TENM2: variants seen among roughly 807,000 people sequenced by gnomAD.
TENM2 encodes the protein teneurin-2.
TENM2 carries 52 observed loss-of-function variants against 245.2 expected under a neutral mutation model. That is an observed-to-expected ratio of 0.21 (90% CI 0.17 to 0.27). The LOEUF is 0.27. Ranked by LOEUF, TENM2 falls within the 10% of genes least tolerant of loss-of-function variation. TENM2 has a pLI of 1.00. For missense variants in TENM2, 3,046 were observed against 3,666.8 expected (o/e 0.83, Z 4.37); for synonymous variants, 1,363 against 1,438.9 (o/e 0.95, Z 1.19).
At chr5:167,055,706 A>G in the TENM2 span, among the ~76,000 whole-genome samples, 4 of 152,034 alleles carry the variant, frequency 2.6e-5, no homozygotes, top group African/African-American at 4.8e-5. Flanking sequence ...TCCAAATTCC[A>G]CTTGTTTATT....
chr5:167,857,540 C>G (rs1355153748), intron 2 of TENM2, among the ~76,000 whole-genome samples: 1 of 152,196 alleles, frequency 6.6e-6, no homozygotes. Flanking sequence ...CATTGGGTCT[C>G]TCTTTCCTAT....
chr5:168,087,628 A>G (rs1792575519), intron 7 of TENM2, among the ~76,000 whole-genome samples: 1 of 151,524 alleles, frequency 6.6e-6, no homozygotes, highest in Non-Finnish European at 1.5e-5. Context: ...AAAAAGAAAG[A>G]AAGAAATGAT....
the TENM2 span, among the ~76,000 whole-genome samples, chr5:167,104,217 GCTT>G: frequency 1.3e-5 from 2 of 151,864 alleles, no homozygotes; most frequent in African/African-American, 4.8e-5. Context: ...CTTTTACAGT[GCTT>G]GCTACTTGGC....
chr5:167,283,408 T>A (rs1468712048), upstream of TENM2, among the ~76,000 whole-genome samples: 1 of 152,102 alleles, frequency 6.6e-6, no homozygotes, highest in East Asian at 1.9e-4. Flanking sequence ...TTTGATACAG[T>A]GTACACGTAG....
chr5:167,024,177 C>T, the TENM2 span, among the ~76,000 whole-genome samples: 58 of 152,230 alleles, frequency 3.8e-4, 2 homozygotes, highest in South Asian at 0.012. Context: ...GAGTGTTAAT[C>T]GAGTCTCTCA....
At chr5:167,240,629 T>C in the TENM2 span, among the ~76,000 whole-genome samples, 3 of 120,748 alleles carry the variant, frequency 2.5e-5, no homozygotes, top group African/African-American at 1.1e-4. Context: ...CAGGTCCTTT[T>C]CCAACGTCTT....
chr5:168,071,941 C>G (rs934635426), intron 7 of TENM2, among the ~76,000 whole-genome samples: 1 of 152,160 alleles, frequency 6.6e-6, no homozygotes, highest in Admixed American at 6.5e-5. Flanking sequence ...AGTTACATTC[C>G]AGCCTGGTGA....
At chr5:167,364,564 T>C (rs1392182087) in intron 1 of TENM2, among the ~76,000 whole-genome samples, 2 of 152,044 alleles carry the variant, frequency 1.3e-5, no homozygotes, top group East Asian at 1.9e-4. Context: ...AAAAGGCATA[T>C]GTCAAATGTA....
At chr5:167,342,653 C>G (rs1250311381) in intron 1 of TENM2, among the ~76,000 whole-genome samples, 104 of 151,052 alleles carry the variant, frequency 6.9e-4, no homozygotes, top group African/African-American at 2.4e-3. Flanking sequence ...TCAGCCTCCC[C>G]AGTAGCTGGG....
At chr5:167,690,701 C>T (rs1561675884) in intron 2 of TENM2, among the ~76,000 whole-genome samples, 4 of 151,996 alleles carry the variant, frequency 2.6e-5, no homozygotes, top group Non-Finnish European at 5.9e-5. Flanking sequence ...TCTTTAATGC[C>T]ACCTATAATA....
At chr5:167,764,940 TC>T (rs1249702147) in intron 2 of TENM2, among the ~76,000 whole-genome samples, 2 of 152,136 alleles carry the variant, frequency 1.3e-5, no homozygotes, top group Non-Finnish European at 2.9e-5. Flanking sequence ...GAAGGATTCA[TC>T]CCAGCCTGGG....
At chr5:167,040,200 G>A in the TENM2 span, among the ~76,000 whole-genome samples, 1 of 151,862 alleles carries the variant, frequency 6.6e-6, no homozygotes, top group East Asian at 2.0e-4. Context: ...AACTTTCTAG[G>A]AATGGTGTTC....
intron 7 of TENM2, among the ~76,000 whole-genome samples, chr5:168,063,812 A>G (rs1032653592): frequency 6.6e-6 from 1 of 152,158 alleles, no homozygotes; most frequent in African/African-American, 2.4e-5. Flanking sequence ...TTGCAATCCC[A>G]TCTTTACAGC....
chr5:167,615,176 A>G (rs1392976915), intron 2 of TENM2, among the ~76,000 whole-genome samples: 3 of 152,116 alleles, frequency 2.0e-5, no homozygotes, highest in Non-Finnish European at 4.4e-5. Flanking sequence ...TTATAACAAT[A>G]TTTCTATTCT....
At chr5:167,251,688 G>A in the TENM2 span, among the ~76,000 whole-genome samples, 3 of 152,080 alleles carry the variant, frequency 2.0e-5, no homozygotes, top group Non-Finnish European at 2.9e-5. Flanking sequence ...GACATCCTAC[G>A]AACCTTCTGA....
chr5:167,366,490 C>A (rs1416683710), intron 1 of TENM2, among the ~76,000 whole-genome samples: 3 of 152,186 alleles, frequency 2.0e-5, no homozygotes, highest in East Asian at 1.9e-4. Context: ...TCATTCAGTA[C>A]CCTCCTCCAC....
At chr5:167,006,154 G>A in the TENM2 span, among the ~76,000 whole-genome samples, 112 of 152,042 alleles carry the variant, frequency 7.4e-4, no homozygotes, top group Admixed American at 1.7e-3. Flanking sequence ...AAAATTGCAC[G>A]CACAATTCCC....
At chr5:167,067,521 G>A in the TENM2 span, among the ~76,000 whole-genome samples, 1 of 152,194 alleles carries the variant, frequency 6.6e-6, no homozygotes, top group South Asian at 2.1e-4. Flanking sequence ...GTCTTAAAGA[G>A]TGGAAACTCC....
chr5:168,036,122 G>C (rs1787641603), intron 5 of TENM2, among the ~76,000 whole-genome samples: 1 of 152,178 alleles, frequency 6.6e-6, no homozygotes, highest in African/African-American at 2.4e-5. Context: ...GGCCTGGCTT[G>C]GGGATTTCCA....
Sources: gnomAD v4.1 joint callset for allele counts (sites outside exome capture counted in the v4.1 genomes callset) on GRCh38, gnomAD v4.1.1 for gene constraint, MANE v1.5 for transcripts, NCBI Gene and HGNC (gene_info 2026-07-23, HGNC 2026-07-21) for gene names.